PTPRD: variants seen among roughly 807,000 people sequenced by gnomAD.
The protein encoded by PTPRD is receptor-type tyrosine-protein phosphatase delta.
Under a neutral mutation model 214.5 loss-of-function variants are expected in PTPRD, and 34 were observed. That is an observed-to-expected ratio of 0.16 (90% CI 0.12 to 0.21). The LOEUF (loss-of-function observed/expected upper bound fraction) is 0.21, where lower values mean the gene tolerates loss of function less well. PTPRD is among the 10% of genes least tolerant of loss of function. PTPRD has a pLI of 1.00. For synonymous variants in PTPRD, 1,128 were observed against 845.7 expected, an observed-to-expected ratio of 1.33 and a Z score of -5.79; for missense variants, 2,545 against 2,398.7, an observed-to-expected ratio of 1.06 and a Z score of -1.27.
At chr9:9,511,564 T>C (rs1006217774) in intron 8 of PTPRD, among the ~76,000 whole-genome samples, 1 of 151,708 alleles carries the variant, frequency 6.6e-6, no homozygotes, top group Non-Finnish European at 1.5e-5. Context: ...TTATGAAAAT[T>C]TACAAGTGTC....
At chr9:9,531,830 A>C (rs529994482) in intron 8 of PTPRD, among the ~76,000 whole-genome samples, 3 of 152,200 alleles carry the variant, frequency 2.0e-5, no homozygotes, top group African/African-American at 7.2e-5. Context: ...AGTTCTTTTT[A>C]AATAAGATGT....
At chr9:9,654,717 CA>C (rs2096463859) in intron 7 of PTPRD, among the ~76,000 whole-genome samples, 2 of 152,108 alleles carry the variant, frequency 1.3e-5, no homozygotes, top group South Asian at 4.1e-4. Flanking sequence ...GTAACAGTGT[CA>C]AAAGCAAGAC....
chr9:9,153,305 A>C (rs2099878424), intron 10 of PTPRD, among the ~76,000 whole-genome samples: 1 of 152,212 alleles, frequency 6.6e-6, no homozygotes, highest in African/African-American at 2.4e-5. Flanking sequence ...TTTAAAAGGT[A>C]GTTATAGTTA....
At chr9:8,645,345 T>A (rs539709162) in intron 12 of PTPRD, among the ~76,000 whole-genome samples, 3 of 152,346 alleles carry the variant, frequency 2.0e-5, no homozygotes, top group Admixed American at 1.3e-4. Flanking sequence ...AAGTTTAGCA[T>A]GGTAGGCTAC....
chr9:8,446,921 G>A (rs907824784), intron 34 of PTPRD, among the ~76,000 whole-genome samples: 1 of 152,128 alleles, frequency 6.6e-6, no homozygotes, highest in Non-Finnish European at 1.5e-5. Context: ...AAGTAATTAT[G>A]GTAATTAACA....
At chr9:8,915,520 C>G (rs901091549) in intron 11 of PTPRD, among the ~76,000 whole-genome samples, 1 of 151,960 alleles carries the variant, frequency 6.6e-6, no homozygotes, top group Non-Finnish European at 1.5e-5. Flanking sequence ...TGTATATATA[C>G]AAACATATTT....
chr9:9,822,803 A>G (rs2051251587), intron 5 of PTPRD, among the ~76,000 whole-genome samples: 1 of 152,084 alleles, frequency 6.6e-6, no homozygotes, highest in South Asian at 2.1e-4. Context: ...GACGATTCTC[A>G]GCGAAATAAT....
chr9:8,429,524 T>C (rs2094909346), intron 35 of PTPRD, among the ~76,000 whole-genome samples: 1 of 152,236 alleles, frequency 6.6e-6, no homozygotes, highest in Non-Finnish European at 1.5e-5. Flanking sequence ...TCTGTCTTAC[T>C]GAGTGATGGG....
At chr9:10,536,246 A>C (rs559544221) in intron 2 of PTPRD, among the ~76,000 whole-genome samples, 50 of 152,246 alleles carry the variant, frequency 3.3e-4, no homozygotes, top group African/African-American at 1.1e-3. Context: ...TATAAATATA[A>C]GTGTAATATC....
intron 2 of PTPRD, among the ~76,000 whole-genome samples, chr9:10,543,630 G>A (rs1396825837): frequency 6.6e-6 from 1 of 152,184 alleles, no homozygotes; most frequent in Non-Finnish European, 1.5e-5. Flanking sequence ...AAGGCATCGT[G>A]CTTAAGCACA....
chr9:9,849,649 G>A (rs1402102069), intron 5 of PTPRD, among the ~76,000 whole-genome samples: 2 of 151,034 alleles, frequency 1.3e-5, no homozygotes, highest in African/African-American at 4.9e-5. Context: ...TGATTGCTAA[G>A]CTCTTGACTG....
At chr9:9,492,299 T>C (rs1283633516) in intron 8 of PTPRD, among the ~76,000 whole-genome samples, 1 of 146,540 alleles carries the variant, frequency 6.8e-6, no homozygotes, top group African/African-American at 2.5e-5. Flanking sequence ...CTGGACCTGA[T>C]GGACTCACTA....
chr9:9,480,359 T>C (rs1346763505), intron 8 of PTPRD, among the ~76,000 whole-genome samples: 1 of 152,172 alleles, frequency 6.6e-6, no homozygotes, highest in Non-Finnish European at 1.5e-5. Flanking sequence ...AAAGAAAACA[T>C]ATATTCAGTT....
chr9:10,012,650 T>G (rs1395235970), intron 4 of PTPRD, among the ~76,000 whole-genome samples: 2 of 151,958 alleles, frequency 1.3e-5, no homozygotes, highest in African/African-American at 4.8e-5. Flanking sequence ...AGCACTGTTA[T>G]TGGAACATGA....
chr9:9,474,529 G>C (rs1453825901), intron 8 of PTPRD, among the ~76,000 whole-genome samples: 2 of 151,984 alleles, frequency 1.3e-5, no homozygotes, highest in African/African-American at 4.8e-5. Flanking sequence ...GATTGCTTTG[G>C]TCGTTACGGT....
intron 5 of PTPRD, among the ~76,000 whole-genome samples, chr9:9,804,492 A>G (rs2099061065): frequency 6.6e-6 from 1 of 152,192 alleles, no homozygotes; most frequent in African/African-American, 2.4e-5. Flanking sequence ...GCTTTTAACA[A>G]CATTATAAAT....
At chr9:9,127,551 A>G (rs907143437) in intron 10 of PTPRD, among the ~76,000 whole-genome samples, 18 of 152,196 alleles carry the variant, frequency 1.2e-4, no homozygotes, top group Non-Finnish European at 2.2e-4. Context: ...TGAGCAATCA[A>G]TGATAATGGA....
intron 2 of PTPRD, among the ~76,000 whole-genome samples, chr9:10,501,277 T>G (rs532270679): frequency 6.6e-6 from 1 of 152,180 alleles, no homozygotes; most frequent in Non-Finnish European, 1.5e-5. Flanking sequence ...TGATTTGTAT[T>G]TCTCTGCTGA....
intron 10 of PTPRD, among the ~76,000 whole-genome samples, chr9:9,089,717 G>A (rs768297633): frequency 3.3e-5 from 5 of 152,252 alleles, no homozygotes; most frequent in Non-Finnish European, 5.9e-5. Flanking sequence ...GAGTAAGAAC[G>A]AAGGGTTGGT....
Sources: gnomAD v4.1 joint callset for allele counts (sites outside exome capture counted in the v4.1 genomes callset) on GRCh38, gnomAD v4.1.1 for gene constraint, MANE v1.5 for transcripts, NCBI Gene and HGNC (gene_info 2026-07-23, HGNC 2026-07-21) for gene names.